PARD3B: variants seen among roughly 807,000 people sequenced by gnomAD.
PARD3B encodes par-3 family cell polarity regulator beta.
In PARD3B, 103 loss-of-function variants were observed where a neutral mutation model predicts 130.2. The ratio of observed to expected loss-of-function variants is 0.79; its 90% CI spans 0.67 to 0.93. PARD3B has a LOEUF of 0.93. Among genes scored for constraint, PARD3B ranks in the 40% least tolerant of loss-of-function variants. The probability of loss-of-function intolerance (pLI) is 0.00; values close to 1 mark genes in which losing one functional copy is unlikely to be tolerated. For synonymous variants in PARD3B, 583 were observed against 553.2 expected, an observed-to-expected ratio of 1.05 and a Z score of -0.76; for missense variants, 1,609 against 1,499.2, an observed-to-expected ratio of 1.07 and a Z score of -1.21.
intron 1 of PARD3B, among the ~76,000 whole-genome samples, chr2:204,583,406 A>G (rs1272962081): frequency 2.6e-4 from 29 of 109,492 alleles, no homozygotes; most frequent in African/African-American, 9.6e-4. Flanking sequence ...ATTCTCACTC[A>G]TAGGTGGGAA....
intron 20 of PARD3B, among the ~76,000 whole-genome samples, chr2:205,479,490 G>A (rs7425227): frequency 0.48 from 72,716 of 152,032 alleles, 18,604 homozygotes; most frequent in Non-Finnish European, 0.59. Flanking sequence ...GGGCCATAAT[G>A]TAAGTACAAA....
At chr2:204,562,021 C>T (rs553263508) in intron 1 of PARD3B, among the ~76,000 whole-genome samples, 7 of 152,258 alleles carry the variant, frequency 4.6e-5, no homozygotes, top group African/African-American at 1.4e-4. Flanking sequence ...CTAATAAAGA[C>T]AGAAATATTT....
At chr2:205,597,977 A>C (rs554674214) in intron 22 of PARD3B, among the ~76,000 whole-genome samples, 145 of 152,184 alleles carry the variant, frequency 9.5e-4, no homozygotes, top group Admixed American at 2.3e-3. Context: ...TAAACATGGA[A>C]ACAAAAGAAT....
intron 2 of PARD3B, among the ~76,000 whole-genome samples, chr2:204,740,218 T>G (rs2039947567): frequency 6.6e-6 from 1 of 151,922 alleles, no homozygotes; most frequent in Non-Finnish European, 1.5e-5. Flanking sequence ...ACAGGGTTTT[T>G]GCCATGTTGG....
At chr2:204,554,936 G>T (rs74858195) in intron 1 of PARD3B, among the ~76,000 whole-genome samples, 1 of 152,182 alleles carries the variant, frequency 6.6e-6, no homozygotes, top group Non-Finnish European at 1.5e-5. Context: ...TTATCGGAAT[G>T]GCTCACTGTG....
intron 5 of PARD3B, among the ~76,000 whole-genome samples, chr2:205,109,841 A>G (rs1329339774): frequency 6.6e-6 from 1 of 151,900 alleles, no homozygotes; most frequent in Non-Finnish European, 1.5e-5. Flanking sequence ...TTTAGTAGAG[A>G]TGGTGTTTCT....
At chr2:204,719,105 T>C (rs2038875642) in intron 2 of PARD3B, among the ~76,000 whole-genome samples, 2 of 152,228 alleles carry the variant, frequency 1.3e-5, no homozygotes, top group Admixed American at 6.5e-5. Flanking sequence ...AGTATGTTCA[T>C]AGTTGTTTTT....
intron 2 of PARD3B, among the ~76,000 whole-genome samples, chr2:204,810,295 A>G (rs2042919122): frequency 6.6e-6 from 1 of 152,052 alleles, no homozygotes; most frequent in African/African-American, 2.4e-5. Flanking sequence ...AATAGGCATG[A>G]TAAGATAGGG....
In PARD3B at chr2:205,146,431, T is replaced by C. The variant is rs4675501; in HGVS notation, c.1435-12291T>C. 0.72 allele frequency among the ~76,000 whole-genome samples: 109,254 copies of C among 151,714 alleles called. 39,737 individuals carry two copies. Among genetic ancestry groups the C allele is most frequent in the Admixed American group, 0.8 (12,197 of 15,262 alleles). Reference sequence around the variant, plus strand: ...TTGGGAGGCCGAGGTGGGCGGATCATGAGGTCAGGAGATCGAGACCATCCT... The same window carrying C: ...TTGGGAGGCCGAGGTGGGCGGATCACGAGGTCAGGAGATCGAGACCATCCT... On this transcript the variant is annotated intron_variant, in intron 10 of 22. Transcript: ENST00000406610. The surrounding 1 kb of genome is among the most constrained non-coding windows in gnomAD (Gnocchi z 4.3).
intron 21 of PARD3B, among the ~76,000 whole-genome samples, chr2:205,545,254 C>A (rs998230649): frequency 6.6e-6 from 1 of 152,140 alleles, no homozygotes. Context: ...CCCCTAGAAA[C>A]ATATAGCATT....
Position 205,193,315 on chromosome 2 carries a change from A to G in PARD3B, c.2135A>G (p.Asp712Gly), listed in dbSNP as rs750528110. The change falls in exon 15 of 23, where the codon GAC becomes GGC. Residue 712 changes from aspartate to glycine, a missense_variant. Asp to Gly is a moderately conservative substitution (Grantham distance 94). Transcript: ENST00000406610. ...SINLKASKSM[D>G]LVPDESKVHS... ...AATTTGAAAGCCTCGAAGAGCATGGACCTTGGTAAGCAAGGGTGAGGTGAC... is the reference window on the plus strand; with the variant it reads ...AATTTGAAAGCCTCGAAGAGCATGGGCCTTGGTAAGCAAGGGTGAGGTGAC... 1.2e-6 allele frequency: 2 copies of G among 1,603,112 alleles called. No individual in the cohort carries two copies. The highest frequency in any genetic ancestry group is 1.1e-5 in the South Asian group (1 of 90,858).
chr2:205,609,851 C>A (rs1427066880), intron 22 of PARD3B, among the ~76,000 whole-genome samples: 1 of 152,162 alleles, frequency 6.6e-6, no homozygotes, highest in Non-Finnish European at 1.5e-5. Flanking sequence ...CTTCATCTAT[C>A]CTTCCACATC....
At chr2:205,285,003 T>G (rs1386092973) in intron 16 of PARD3B, among the ~76,000 whole-genome samples, 1 of 151,746 alleles carries the variant, frequency 6.6e-6, no homozygotes, top group Non-Finnish European at 1.5e-5. Context: ...GTTTTTTTTT[T>G]TTTTTGTGGG....
intron 3 of PARD3B, among the ~76,000 whole-genome samples, chr2:204,979,899 A>G (rs1036483984): frequency 7.9e-5 from 12 of 152,336 alleles, no homozygotes; most frequent in Admixed American, 1.3e-4. Context: ...ATGAGAGACA[A>G]TGTATAAGAC....
chr2:204,780,588 A>G (rs1331389807), intron 2 of PARD3B, among the ~76,000 whole-genome samples: 3 of 152,212 alleles, frequency 2.0e-5, no homozygotes, highest in African/African-American at 2.4e-5. Context: ...TCTCACAAAC[A>G]ATCTCTTTTT....
chr2:205,612,286 G>A (rs2055260249), intron 22 of PARD3B, among the ~76,000 whole-genome samples: 2 of 152,046 alleles, frequency 1.3e-5, no homozygotes, highest in Non-Finnish European at 2.9e-5. Flanking sequence ...CCGAGTAGCT[G>A]GGATTATAGG....
In PARD3B at chr2:205,447,788, T is replaced by C. The variant is rs192416021; in HGVS notation, c.3044+7116T>C. On this transcript the variant is annotated intron_variant, in intron 20 of 22. Transcript: ENST00000406610. ...CCTCATGAATGTCACCTAACTCACA[T>C]TGGCATACTTCAGTGACAAAATTCA... Among the ~76,000 whole-genome samples, 254 of 152,346 alleles carry C rather than the reference T, an allele frequency of 1.7e-3. 1 individual carries two copies. Among genetic ancestry groups the C allele is most frequent in the African/African-American group, 5.5e-3 (228 of 41,576 alleles).
chr2:205,384,780 A>G (rs2105958339), intron 18 of PARD3B, among the ~76,000 whole-genome samples: 1 of 152,200 alleles, frequency 6.6e-6, no homozygotes, highest in East Asian at 1.9e-4. Flanking sequence ...CCTGGGAGAG[A>G]GAACCATAGT....
intron 3 of PARD3B, among the ~76,000 whole-genome samples, chr2:204,968,356 T>C (rs1392525816): frequency 6.6e-6 from 1 of 152,236 alleles, no homozygotes; most frequent in Non-Finnish European, 1.5e-5. Flanking sequence ...ATCAACAATA[T>C]TCTGTTAAAA....
Sources: gnomAD v4.1 joint callset for allele counts (sites outside exome capture counted in the v4.1 genomes callset) on GRCh38, gnomAD v4.1.1 for gene constraint, Gnocchi (gnomAD v3.1) non-coding constraint, MANE v1.5 for transcripts, NCBI Gene and HGNC (gene_info 2026-07-23, HGNC 2026-07-21) for gene names.